HS6ST1: variants seen among roughly 807,000 people sequenced by gnomAD.
HS6ST1 encodes heparan-sulfate 6-O-sulfotransferase 1.
In HS6ST1, 3 loss-of-function variants were observed where a neutral mutation model predicts 25.2. The observed-to-expected ratio is 0.12, with a 90% CI of 0.05 to 0.31. The LOEUF is 0.31. HS6ST1 is among the 10% of genes least tolerant of loss of function. HS6ST1 has a pLI of 1.00. For missense variants in HS6ST1, 310 were observed against 609.6 expected (o/e 0.51, Z 5.18); for synonymous variants, 204 against 275.1 (o/e 0.74, Z 2.56).
chr2:128,308,698 C>T (rs1233963074), intron 1 of HS6ST1, among the ~76,000 whole-genome samples: 1 of 152,216 alleles, frequency 6.6e-6, no homozygotes, highest in Non-Finnish European at 1.5e-5. Flanking sequence ...CCAAGGTGAG[C>T]AGGAGACCCC....
rs897753347 is a variant in HS6ST1, at chr2:128,277,325, T to C, written c.528-8455A>G. Among the ~76,000 whole-genome samples, 5 of 152,190 alleles carry C rather than the reference T, an allele frequency of 3.3e-5. No individual in the cohort carries two copies. The South Asian group carries it at 6.2e-4, about 19-fold the overall frequency. On this transcript the variant is annotated intron_variant, in intron 1 of 1. Transcript: ENST00000259241. ...GGCCCCCACAGCACCCTGACATCCA[T>C]AGCAGATCTCTGTGGACACCTATAC...
At chr2:128,289,184 T>G (rs768138307) in intron 1 of HS6ST1, among the ~76,000 whole-genome samples, 3 of 152,138 alleles carry the variant, frequency 2.0e-5, no homozygotes, top group Non-Finnish European at 2.9e-5. Flanking sequence ...CCCATGGCCC[T>G]GGCTCTACTT....
intron 1 of HS6ST1, among the ~76,000 whole-genome samples, chr2:128,270,098 C>T (rs532478094): frequency 3.0e-4 from 46 of 152,312 alleles, no homozygotes; most frequent in African/African-American, 9.4e-4. Flanking sequence ...CTGAAGCAGG[C>T]GGGGTAGCCA....
intron 1 of HS6ST1, among the ~76,000 whole-genome samples, chr2:128,306,223 C>T (rs1694205354): frequency 6.6e-6 from 1 of 152,222 alleles, no homozygotes; most frequent in African/African-American, 2.4e-5. Context: ...GCAGGGCTAG[C>T]ACGCTGGTGT....
intron 1 of HS6ST1, among the ~76,000 whole-genome samples, chr2:128,284,383 C>A (rs1301823367): frequency 6.6e-6 from 1 of 152,186 alleles, no homozygotes; most frequent in Non-Finnish European, 1.5e-5. Context: ...CAAGTCTCTG[C>A]CATCCCTCCC....
chr2:128,283,398 C>T (rs370480406), intron 1 of HS6ST1, among the ~76,000 whole-genome samples: 140 of 152,310 alleles, frequency 9.2e-4, no homozygotes, highest in African/African-American at 3.3e-3. Context: ...TGGCAGGGAC[C>T]CCAAATGACG....
chr2:128,294,314 G>A (rs1694004032), intron 1 of HS6ST1, among the ~76,000 whole-genome samples: 2 of 152,306 alleles, frequency 1.3e-5, no homozygotes, highest in South Asian at 4.1e-4. Flanking sequence ...GGGGTGGGCT[G>A]TGATGGAGGG....
chr2:128,275,320 G>C (rs973476408), intron 1 of HS6ST1, among the ~76,000 whole-genome samples: 1 of 152,172 alleles, frequency 6.6e-6, no homozygotes, highest in East Asian at 1.9e-4. Flanking sequence ...CAGACTGTGT[G>C]AGGGTGTAAG....
Position 128,318,075 on chromosome 2 carries a change from C to T in HS6ST1, c.489G>A (p.Val163=). The change falls in exon 1 of 2, where the codon GTG becomes GTA. Residue 163 remains valine (V), a synonymous_variant. Coordinates refer to ENST00000259241, the MANE Select transcript of HS6ST1 (RefSeq NM_004807.3). The surrounding 1 kb of genome is among the most constrained non-coding windows in gnomAD (Gnocchi z 5.7). Reference sequence around the variant, plus strand: ...GCGCGGCGGAGTCGCGGCGGTCCAGCACGCCGGGCACGCAGTTGGTGAGCT... The same window carrying T: ...GCGCGGCGGAGTCGCGGCGGTCCAGTACGCCGGGCACGCAGTTGGTGAGCT... ...WTELTNCVPG[V]LDRRDSAALR... 2.0e-6 allele frequency: 3 copies of T among 1,528,728 alleles called. No individual in the cohort carries two copies. The highest frequency in any genetic ancestry group is 2.6e-6 in the Non-Finnish European group (3 of 1,141,232). 94.7% of individuals were successfully genotyped at this position (1,528,728 alleles called of 1,614,324 possible).
At chr2:128,298,116 A>G (rs1363297851) in intron 1 of HS6ST1, among the ~76,000 whole-genome samples, 1 of 137,322 alleles carries the variant, frequency 7.3e-6, no homozygotes, top group Non-Finnish European at 1.6e-5. Flanking sequence ...CAATACCACA[A>G]TGAGATTCCA....
At chr2:128,297,104 C>T (rs777771755) in intron 1 of HS6ST1, among the ~76,000 whole-genome samples, 7 of 152,114 alleles carry the variant, frequency 4.6e-5, no homozygotes, top group Non-Finnish European at 7.4e-5. Context: ...AAATACAAAA[C>T]AAAGTTGGAC....
chr2:128,316,538 C>G (rs1472411829), intron 1 of HS6ST1, among the ~76,000 whole-genome samples: 2 of 152,156 alleles, frequency 1.3e-5, no homozygotes, highest in Non-Finnish European at 2.9e-5. Context: ...GTTAGGGGGG[C>G]CCTGCAGCAG....
rs958834680 is a variant in HS6ST1 at position 128,318,843 on chromosome 2, G to GCTCCA, written c.-285_-281dup. On this transcript the variant is annotated 5_prime_UTR_variant, in exon 1 of 2. Transcript: ENST00000259241. The surrounding 1 kb of genome is among the most constrained non-coding windows in gnomAD (Gnocchi z 5.7). ...CGCGCCCCCAGCACCAGCCCGCTCC[G>GCTCCA]CTCCACTCCGCGCCGAGAACGCTCT... Among the ~76,000 whole-genome samples, 6 of 147,552 alleles carry GCTCCA rather than the reference G, an allele frequency of 4.1e-5. No individual in the cohort carries two copies. The highest frequency in any genetic ancestry group is 1.3e-4 in the Admixed American group (2 of 14,894).
rs530961717 is a variant in HS6ST1, at chr2:128,286,573, G to A, written c.528-17703C>T. ...GCAGGCCATCCAAATGCACGGGTTG[G>A]TCAGAAGAGGAAATGAGTTCATGGT... On this transcript the variant is annotated intron_variant, in intron 1 of 1. Coordinates refer to ENST00000259241, the MANE Select transcript of HS6ST1 (RefSeq NM_004807.3). Among the ~76,000 whole-genome samples, 128 of 152,348 alleles carry A rather than the reference G, an allele frequency of 8.4e-4. 1 individual carries two copies. Among genetic ancestry groups the A allele is most frequent in the African/African-American group, 2.9e-3 (121 of 41,578 alleles).
intron 1 of HS6ST1, among the ~76,000 whole-genome samples, chr2:128,279,108 G>T (rs1299709929): frequency 4.1e-5 from 6 of 147,882 alleles, no homozygotes; most frequent in African/African-American, 1.5e-4. Context: ...AGTCCTGCTT[G>T]CACTGCATTT....
intron 1 of HS6ST1, among the ~76,000 whole-genome samples, chr2:128,310,372 C>T (rs1049131363): frequency 6.6e-6 from 1 of 152,220 alleles, no homozygotes; most frequent in Non-Finnish European, 1.5e-5. Context: ...AATCAAGGAC[C>T]AACAGTGGGG....
At position 128,268,570 on chromosome 2, in the gene HS6ST1, C is replaced by G. The variant is rs376369605; in HGVS notation, c.828G>C (p.Leu276=). The G allele has an allele frequency of 3.1e-4, 492 of 1,603,186 alleles. 4 individuals are homozygous for G. The South Asian group carries it at 5.1e-3, about 17-fold the overall frequency. Reference sequence around the variant, plus strand: ...GGTTCTTCTTGGCGCTCTCGAGCAGCAGCTGGGCCCGCTTGCCCTCGGGGA... The same window carrying G: ...GGTTCTTCTTGGCGCTCTCGAGCAGGAGCTGGGCCCGCTTGCCCTCGGGGA... The part of the protein sequence containing the change: ...SFIPEGKRAQ[L]LLESAKKNLR... The change falls in exon 2 of 2, where the codon CTG becomes CTC. Residue 276 remains leucine (L), a synonymous_variant. Transcript: ENST00000259241.
At chr2:128,317,873 G>A (rs1029856432) in intron 1 of HS6ST1, among the ~76,000 whole-genome samples, 164 bp downstream of exon 1, 1 of 152,206 alleles carries the variant, frequency 6.6e-6, no homozygotes, top group Admixed American at 6.5e-5. Flanking sequence ...GAGGAGCTGG[G>A]AGCCTCGGGC....
Position 128,293,409 on chromosome 2 carries a change from G to A in HS6ST1, c.528-24539C>T, listed in dbSNP as rs553364589. Among the ~76,000 whole-genome samples, 4 of 152,368 alleles carry A rather than the reference G, an allele frequency of 2.6e-5. No individual in the cohort carries two copies. The East Asian group carries it at 7.7e-4, about 29-fold the overall frequency. ...AAGCCATGAGTAAAGCTAGTCTGAGGAGTAACTGTGGCGGCTGCCACCACC... is the reference window on the plus strand; with the variant it reads ...AAGCCATGAGTAAAGCTAGTCTGAGAAGTAACTGTGGCGGCTGCCACCACC... On this transcript the variant is annotated intron_variant, in intron 1 of 1. Coordinates refer to ENST00000259241, the MANE Select transcript of HS6ST1 (RefSeq NM_004807.3).
Sources: allele counts gnomAD v4.1 joint callset (sites outside exome capture counted in the v4.1 genomes callset), GRCh38; gene constraint gnomAD v4.1.1; non-coding constraint Gnocchi (gnomAD v3.1); transcripts MANE v1.5; gene names NCBI Gene and HGNC (gene_info 2026-07-23, HGNC 2026-07-21).